Variants in MAPKAP1 observed in about 807,000 individuals in gnomAD.
MAPKAP1 encodes the protein MAPK associated protein 1.
A neutral mutation model predicts 65.7 loss-of-function variants in MAPKAP1; 20 were observed. That is an observed-to-expected ratio of 0.30 (90% confidence interval 0.21 to 0.44). The LOEUF (loss-of-function observed/expected upper bound fraction) is 0.44. Among genes scored for constraint, MAPKAP1 ranks in the 20% least tolerant of loss-of-function variants. The pLI is 1.00. For synonymous variants in MAPKAP1, 222 were observed against 244.3 expected, an observed-to-expected ratio of 0.91 and a Z score of 0.85; for missense variants, 423 against 648.0, an observed-to-expected ratio of 0.65 and a Z score of 3.77.
chr9:125,606,525 TTCAA>T (rs1832443463), intron 4 of MAPKAP1, among the ~76,000 whole-genome samples: 1 of 152,142 alleles, frequency 6.6e-6, no homozygotes, highest in African/African-American at 2.4e-5. Flanking sequence ...AGCCCCTATC[TTCAA>T]TATTATAGGG....
At chr9:125,640,608 T>C (rs1458436111) in intron 4 of MAPKAP1, among the ~76,000 whole-genome samples, 1 of 152,226 alleles carries the variant, frequency 6.6e-6, no homozygotes, top group Non-Finnish European at 1.5e-5. Context: ...CAATGTCTCA[T>C]AATGACCATA....
intron 5 of MAPKAP1, among the ~76,000 whole-genome samples, chr9:125,570,172 A>G (rs1035932799): frequency 6.6e-6 from 1 of 151,948 alleles, no homozygotes. Flanking sequence ...TATATAAGAA[A>G]GGATCTTGTA....
chr9:125,617,231 A>G (rs1259946116), intron 4 of MAPKAP1, among the ~76,000 whole-genome samples: 2 of 152,254 alleles, frequency 1.3e-5, no homozygotes, highest in African/African-American at 2.4e-5. Context: ...AGGATGAGAC[A>G]GAAGGATCGC....
intron 7 of MAPKAP1, among the ~76,000 whole-genome samples, chr9:125,525,628 G>T (rs540509872): frequency 6.6e-6 from 1 of 151,838 alleles, no homozygotes; most frequent in African/African-American, 2.4e-5. Context: ...AGCTGAGATT[G>T]CGCCATTGCA....
intron 5 of MAPKAP1, 146 bp downstream of exon 5, chr9:125,585,409 C>T (rs1001426665): frequency 3.9e-5 from 29 of 745,830 alleles, no homozygotes; most frequent in Admixed American, 1.0e-4. Context: ...GATGCACAGG[C>T]GCGAGACCTG....
At chr9:125,530,929 G>C (rs1829916165) in intron 7 of MAPKAP1, among the ~76,000 whole-genome samples, 1 of 152,204 alleles carries the variant, frequency 6.6e-6, no homozygotes, top group African/African-American at 2.4e-5. Context: ...GCCTACTATG[G>C]ACTAAGTGTT....
Position 125,501,517 on chromosome 9 carries a change from T to C in MAPKAP1, c.1066+4793A>G, listed in dbSNP as rs139558396. On this transcript the variant is annotated intron_variant, in intron 8 of 11. Coordinates refer to ENST00000265960, the MANE Select transcript of MAPKAP1 (RefSeq NM_001006617.3). The stretch of plus-strand genomic sequence containing the variant: ...ACTGAGTTTGGTACCAAGATTATGA[T>C]AGCCTCTTAAAACAAATTGGAGGTT... 4.7e-3 allele frequency among the ~76,000 whole-genome samples: 722 copies of C among 152,340 alleles called. 6 individuals are homozygous for C. Among genetic ancestry groups the C allele is most frequent in the African/African-American group, 0.016 (673 of 41,578 alleles).
intron 6 of MAPKAP1, among the ~76,000 whole-genome samples, chr9:125,553,979 G>A (rs1020669285): frequency 6.6e-6 from 1 of 152,230 alleles, no homozygotes; most frequent in Middle Eastern, 3.4e-3. Context: ...AGAGGTTGCA[G>A]TGAGCCAAGA....
chr9:125,614,309 T>C (rs540753514), intron 4 of MAPKAP1, among the ~76,000 whole-genome samples: 6 of 152,294 alleles, frequency 3.9e-5, no homozygotes, highest in African/African-American at 1.4e-4. Context: ...TGGTTTAACA[T>C]AAGATGATAA....
chr9:125,568,258 T>C (rs1345974987), intron 5 of MAPKAP1, among the ~76,000 whole-genome samples: 2 of 152,110 alleles, frequency 1.3e-5, no homozygotes, highest in African/African-American at 2.4e-5. Flanking sequence ...ATGTTAACTG[T>C]TATTCTCTTT....
At chr9:125,600,977 T>C (rs900871117) in intron 4 of MAPKAP1, among the ~76,000 whole-genome samples, 1 of 152,234 alleles carries the variant, frequency 6.6e-6, no homozygotes. Flanking sequence ...AAATCATTTA[T>C]ATAATAAAAT....
chr9:125,486,119 A>G (rs1854493370), intron 8 of MAPKAP1, among the ~76,000 whole-genome samples: 1 of 152,248 alleles, frequency 6.6e-6, no homozygotes, highest in African/African-American at 2.4e-5. Context: ...GCTAGTATAC[A>G]TGAGTGCTTA....
chr9:125,604,873 TTCTTAC>T (rs1832398934), intron 4 of MAPKAP1, among the ~76,000 whole-genome samples: 1 of 152,224 alleles, frequency 6.6e-6, no homozygotes, highest in Non-Finnish European at 1.5e-5. Context: ...TAGACATTTA[TTCTTAC>T]TATAAAGAAA....
intron 8 of MAPKAP1, among the ~76,000 whole-genome samples, chr9:125,492,074 C>A (rs1346379585): frequency 6.7e-6 from 1 of 149,128 alleles, no homozygotes; most frequent in Non-Finnish European, 1.5e-5. Context: ...CATGGTGGTG[C>A]ACACCTGTAG....
At chr9:125,703,834 A>G (rs2416971) in intron 1 of MAPKAP1, among the ~76,000 whole-genome samples, 73,342 of 151,172 alleles carry the variant, frequency 0.49, 18,755 homozygotes, top group African/African-American at 0.66. Context: ...TGACATCTAC[A>G]ACTGCGTCCG....
intron 7 of MAPKAP1, among the ~76,000 whole-genome samples, chr9:125,515,114 C>G (rs1054477144): frequency 6.6e-6 from 1 of 152,104 alleles, no homozygotes; most frequent in African/African-American, 2.4e-5. Flanking sequence ...AAGGAACAAG[C>G]TGACATGACA....
intron 8 of MAPKAP1, among the ~76,000 whole-genome samples, chr9:125,500,351 C>CTT (rs34872033): frequency 3.8e-4 from 52 of 136,560 alleles, no homozygotes; most frequent in South Asian, 1.4e-3. Context: ...CCATCCCTGG[C>CTT]TTTTTTTTTT....
At chr9:125,507,059 A>G (rs1006274954) in intron 7 of MAPKAP1, among the ~76,000 whole-genome samples, 2 of 152,238 alleles carry the variant, frequency 1.3e-5, no homozygotes, top group African/African-American at 4.8e-5. Context: ...GACAGTGGCT[A>G]CCGATTCACA....
chr9:125,480,694 C>T (rs562353918), intron 9 of MAPKAP1, among the ~76,000 whole-genome samples: 41 of 152,116 alleles, frequency 2.7e-4, no homozygotes, highest in Admixed American at 7.2e-4. Context: ...TTCTATGGGC[C>T]GGGCGCGGTG....
Sources: gnomAD v4.1 joint callset for allele counts (sites outside exome capture counted in the v4.1 genomes callset) on GRCh38, gnomAD v4.1.1 for gene constraint, MANE v1.5 for transcripts, NCBI Gene and HGNC (gene_info 2026-07-23, HGNC 2026-07-21) for gene names.